MAN2B2: variants seen among roughly 807,000 people sequenced by gnomAD.
MAN2B2 encodes the protein mannosidase alpha class 2B member 2.
A neutral mutation model predicts 117.1 loss-of-function variants in MAN2B2; 106 were observed. That is an observed-to-expected ratio of 0.90 (90% CI 0.77 to 1.06). MAN2B2 has a LOEUF of 1.06. Ranked by LOEUF, MAN2B2 falls within the 50% of genes least tolerant of loss-of-function variation. The pLI, the probability that MAN2B2 is intolerant of heterozygous loss-of-function variation, is 0.00. For synonymous variants in MAN2B2, 544 were observed against 595.1 expected (o/e 0.91, Z 1.25); for missense variants, 1,326 against 1,381.4 (o/e 0.96, Z 0.64).
chr4:6,604,785 G>T (rs35768801), intron 10 of MAN2B2, among the ~76,000 whole-genome samples: 13,140 of 152,046 alleles, frequency 0.086, 661 homozygotes, highest in East Asian at 0.14. Context: ...GGAGCTGGGG[G>T]TGTTCAGGAG....
intron 3 of MAN2B2, among the ~76,000 whole-genome samples, chr4:6,579,017 AC>A (rs1726186012): frequency 1.9e-5 from 2 of 105,082 alleles, no homozygotes; most frequent in Admixed American, 9.1e-5. Context: ...CACCACCACC[AC>A]CATCACCATC....
At chr4:6,620,947 A>G (rs1355100378) in intron 18 of MAN2B2, 4 of 507,120 alleles carry the variant, frequency 7.9e-6, no homozygotes, top group Non-Finnish European at 1.4e-5. Flanking sequence ...CAAGAGGCCC[A>G]CAGGAGTCCT....
intron 15 of MAN2B2, among the ~76,000 whole-genome samples, chr4:6,612,565 T>G (rs1241223052): frequency 6.6e-6 from 1 of 152,212 alleles, no homozygotes; most frequent in Non-Finnish European, 1.5e-5. Context: ...GAGCAGAGGC[T>G]CACAGCCATG....
At chr4:6,597,084 C>G in intron 7 of MAN2B2, 29 bp from the exon 8 acceptor site, 1 of 1,603,780 alleles carries the variant, frequency 6.2e-7, no homozygotes, top group East Asian at 2.2e-5. Flanking sequence ...CATGCCGTCT[C>G]AAGCTCACCA....
intron 11 of MAN2B2, among the ~76,000 whole-genome samples, chr4:6,607,456 C>A (rs1727597590): frequency 6.6e-6 from 1 of 152,236 alleles, no homozygotes; most frequent in Admixed American, 6.5e-5. Context: ...CCACCTGCCT[C>A]AGCTTCCCAA....
chr4:6,617,310 G>A lies in MAN2B2; in HGVS notation c.2702-70G>A, dbSNP rs920576106. ...AATGGAGCTGAGTGTGTAAAGCAGC[G>A]GGTATAGACCAGGGACATTGGGGTT... On this transcript the variant is annotated intron_variant, in intron 16 of 18. Transcript: ENST00000285599. The A allele has an allele frequency of 9.0e-5, 105 of 1,161,360 alleles. 3 individuals are homozygous for A. The highest frequency in any genetic ancestry group is 8.4e-4 in the South Asian group (67 of 79,402). The allele number at this position is 1,161,360 out of a possible 1,614,324, so 71.9% of individuals were successfully genotyped here.
At chr4:6,584,863 C>A (rs1437682163) in intron 3 of MAN2B2, among the ~76,000 whole-genome samples, 1 of 152,170 alleles carries the variant, frequency 6.6e-6, no homozygotes, top group Non-Finnish European at 1.5e-5. Context: ...GGGCATGGTG[C>A]ACCCTGAACA....
At chr4:6,583,930 C>T (rs767656923) in intron 3 of MAN2B2, among the ~76,000 whole-genome samples, 1 of 152,238 alleles carries the variant, frequency 6.6e-6, no homozygotes, top group Admixed American at 6.5e-5. Context: ...GCCCATCTGA[C>T]GCTTTCTTCC....
intron 5 of MAN2B2, among the ~76,000 whole-genome samples, chr4:6,592,140 T>C (rs1355462439): frequency 6.6e-6 from 1 of 152,090 alleles, no homozygotes; most frequent in Non-Finnish European, 1.5e-5. Context: ...GTGCTTAGCC[T>C]CTCTTGGAAG....
In MAN2B2 at chr4:6,594,576, A is replaced by T; in HGVS notation, c.901A>T (p.Asn301Tyr). The T allele has an allele frequency of 2.5e-6, 4 of 1,613,698 alleles. No homozygotes were observed. The highest frequency in any genetic ancestry group is 3.4e-6 in the Non-Finnish European group (4 of 1,180,032). ...QFFNASVQFA[N>Y]MDPLLDHINS... ...CTTCAATGCCTCGGTGCAGTTTGCC[A>T]ACATGGACCCGCTGCTGGACCACAT... Residue 301 changes from asparagine (N) to tyrosine (Y), a missense_variant, in exon 7 of 19, where the codon AAC becomes TAC. Coordinates refer to ENST00000285599, the MANE Select transcript of MAN2B2 (RefSeq NM_015274.3).
At chr4:6,611,875 C>T (rs1419643366) in intron 15 of MAN2B2, among the ~76,000 whole-genome samples, 1 of 152,126 alleles carries the variant, frequency 6.6e-6, no homozygotes, top group Admixed American at 6.5e-5. Flanking sequence ...TATAGTCTAA[C>T]CTAAAGGACT....
intron 11 of MAN2B2, among the ~76,000 whole-genome samples, chr4:6,608,723 C>T (rs1203770108): frequency 6.6e-6 from 1 of 152,164 alleles, no homozygotes; most frequent in Non-Finnish European, 1.5e-5. Context: ...TGGCCCATGA[C>T]ATGGGGTCTG....
rs28460681 is a variant in MAN2B2 at position 6,594,468 on chromosome 4, G to A, written c.859-66G>A. ...GGGCAGCTGGTGGAGGGCAGCGATC[G>A]GCCCACCCCCACTGGGCGAGCGCCC... is the stretch of plus-strand genomic sequence containing the variant. On this transcript the variant is annotated intron_variant, in intron 6 of 18. Coordinates refer to ENST00000285599, the MANE Select transcript of MAN2B2 (RefSeq NM_015274.3). The A allele has an allele frequency of 3.7e-3, 5,686 of 1,522,476 alleles. 200 individuals are homozygous for A. In the African/African-American group the frequency reaches 0.07, roughly 19 times the overall value. 94.3% of individuals were successfully genotyped at this position (1,522,476 alleles called of 1,614,324 possible).
rs1258752577 is a variant in MAN2B2, at chr4:6,593,384, A to G, written c.858+34A>G. 3.1e-6 allele frequency: 5 copies of G among 1,590,780 alleles called. No homozygotes were observed. In the Admixed American group the frequency reaches 7.0e-5, roughly 22 times the overall value. ...GAGTCCCAGGTGCTGTGCCCTCAAC[A>G]CAGCCCAAGGAGCACTATGCAAGCC... is the stretch of plus-strand genomic sequence containing the variant. On this transcript the variant is annotated intron_variant, in intron 6 of 18. Coordinates refer to ENST00000285599, the MANE Select transcript of MAN2B2 (RefSeq NM_015274.3).
At chr4:6,619,595 C>T (rs1389193221) in intron 17 of MAN2B2, 6 of 264,952 alleles carry the variant, frequency 2.3e-5, no homozygotes, top group African/African-American at 4.5e-5. Flanking sequence ...GGACTGGGCA[C>T]GGGGCCACCT....
chr4:6,586,717 AG>A (rs1197806382), intron 3 of MAN2B2, among the ~76,000 whole-genome samples: 1 of 152,228 alleles, frequency 6.6e-6, no homozygotes, highest in Non-Finnish European at 1.5e-5. Context: ...CATTCTGGAA[AG>A]GGATGGTGGT....
At chr4:6,605,375 G>A in intron 11 of MAN2B2, 46 bp downstream of exon 11, 2 of 1,564,342 alleles carry the variant, frequency 1.3e-6, no homozygotes, top group Non-Finnish European at 1.7e-6. Context: ...CATGCCTGGA[G>A]CCTGGGCATG....
chr4:6,579,319 T>C (rs868723960), intron 3 of MAN2B2, among the ~76,000 whole-genome samples: 657 of 17,104 alleles, frequency 0.038, 10 homozygotes, highest in South Asian at 0.059. Context: ...ACCACCACCA[T>C]CACCACCACC....
At chr4:6,578,911 G>A (rs1294099103) in intron 3 of MAN2B2, among the ~76,000 whole-genome samples, 1 of 151,354 alleles carries the variant, frequency 6.6e-6, no homozygotes, top group Non-Finnish European at 1.5e-5. Flanking sequence ...AGTGTTTGCT[G>A]CCTTCCATCA....
Sources: gnomAD v4.1 joint callset for allele counts (sites outside exome capture counted in the v4.1 genomes callset) on GRCh38, gnomAD v4.1.1 for gene constraint, MANE v1.5 for transcripts, NCBI Gene and HGNC (gene_info 2026-07-23, HGNC 2026-07-21) for gene names.